IL1RAPL2: variants seen among roughly 807,000 people sequenced by gnomAD.
IL1RAPL2 encodes the protein X-linked interleukin-1 receptor accessory protein-like 2.
Under a neutral mutation model 44.1 loss-of-function variants are expected in IL1RAPL2, and 3 were observed. The observed-to-expected ratio is 0.07, with a 90% CI of 0.03 to 0.18. The LOEUF is 0.18. Ranked by LOEUF, IL1RAPL2 falls within the 10% of genes least tolerant of loss-of-function variation. The pLI is 1.00. For missense variants in IL1RAPL2, 391 were observed against 496.4 expected, an observed-to-expected ratio of 0.79 and a Z score of 2.02; for synonymous variants, 181 against 178.8, an observed-to-expected ratio of 1.01 and a Z score of -0.10.
At chrX:104,582,754 T>C (rs1311789722) in intron 1 of IL1RAPL2, among the ~76,000 whole-genome samples, 1 of 100,150 alleles carries the variant, frequency 1.0e-5, no homozygotes, top group African/African-American at 3.7e-5. Flanking sequence ...CCTTCCTTCT[T>C]TCTTTCTTTC....
chrX:105,273,348 G>A (rs1292975615), intron 5 of IL1RAPL2, among the ~76,000 whole-genome samples: 1 of 110,894 alleles, frequency 9.0e-6, no homozygotes, highest in Non-Finnish European at 1.9e-5. Flanking sequence ...CCTCCCCGGA[G>A]GCTAGCCATA....
At chrX:105,733,000 T>C (rs1299820213) in intron 7 of IL1RAPL2, among the ~76,000 whole-genome samples, 1 of 111,911 alleles carries the variant, frequency 8.9e-6, no homozygotes, top group Non-Finnish European at 1.9e-5. Flanking sequence ...ATTTCTGATA[T>C]ATATCACTTT....
chrX:105,028,829 AAAAG>A (rs1416371566), intron 2 of IL1RAPL2, among the ~76,000 whole-genome samples: 4 of 111,545 alleles, frequency 3.6e-5, no homozygotes, highest in Non-Finnish European at 5.7e-5. Flanking sequence ...TTTAGATATT[AAAAG>A]AAAGTATAAG....
In IL1RAPL2 at chrX:104,810,219, G is replaced by A. The variant is rs946870293; in HGVS notation, c.82+151224G>A. ...CATAGGTGGGAATTGAACAATGAGA[G>A]CACATGGACACAGGAAGGGGAACAT... On this transcript the variant is annotated intron_variant, in intron 2 of 10. Transcript: ENST00000372582. Among the ~76,000 whole-genome samples the A allele has an allele frequency of 6.4e-5, 7 of 109,293 alleles. No homozygotes were observed. The East Asian group carries it at 1.7e-3, about 27-fold the overall frequency. 94.9% of individuals were successfully genotyped at this position (109,293 alleles called of 115,157 possible). A position where few individuals can be genotyped will look rare whatever the true frequency, so the allele number is the denominator to read the frequency against.
chrX:105,342,391 A>G (rs761231304), intron 5 of IL1RAPL2, among the ~76,000 whole-genome samples: 36 of 112,470 alleles, frequency 3.2e-4, no homozygotes, highest in Non-Finnish European at 6.4e-4. Context: ...AAAGGTCTAT[A>G]CTGAACTATT....
chrX:105,071,604 A>G (rs2032207545), intron 2 of IL1RAPL2, among the ~76,000 whole-genome samples: 1 of 112,247 alleles, frequency 8.9e-6, no homozygotes. Context: ...GCATCATTCT[A>G]TCTGATCTGA....
intron 6 of IL1RAPL2, among the ~76,000 whole-genome samples, chrX:105,647,708 C>G (rs1315782835): frequency 8.9e-6 from 1 of 112,496 alleles, no homozygotes; most frequent in Admixed American, 9.4e-5. Flanking sequence ...AAGAATTGTT[C>G]TGCAGTTTAA....
chrX:105,155,588 T>C (rs866288827), intron 2 of IL1RAPL2, among the ~76,000 whole-genome samples: 69 of 111,106 alleles, frequency 6.2e-4, no homozygotes, highest in African/African-American at 2.1e-3. Context: ...CATGATGAAA[T>C]TGGCATTTCA....
At chrX:104,773,169 A>G (rs1481918981) in intron 2 of IL1RAPL2, among the ~76,000 whole-genome samples, 3 of 111,672 alleles carry the variant, frequency 2.7e-5, no homozygotes, top group Non-Finnish European at 5.6e-5. Flanking sequence ...TCAGCTTCCC[A>G]AAGTGCTGGG....
chrX:105,346,795 A>G (rs1228985464), intron 5 of IL1RAPL2, among the ~76,000 whole-genome samples: 1 of 112,039 alleles, frequency 8.9e-6, no homozygotes, highest in Non-Finnish European at 1.9e-5. Context: ...CTGTAGTTTA[A>G]AAGCAGATTT....
intron 3 of IL1RAPL2, chrX:105,218,797 C>G (rs1556171348): frequency 2.2e-6 from 1 of 459,253 alleles, no homozygotes; most frequent in African/African-American, 2.5e-5. Flanking sequence ...AGTCACCACC[C>G]CTATCTCTGA....
At chrX:105,143,352 C>T (rs2033144488) in intron 2 of IL1RAPL2, among the ~76,000 whole-genome samples, 1 of 112,196 alleles carries the variant, frequency 8.9e-6, no homozygotes, top group Non-Finnish European at 1.9e-5. Context: ...AAATGCTCAT[C>T]ATCACTGGCC....
intron 2 of IL1RAPL2, among the ~76,000 whole-genome samples, chrX:104,893,369 C>T (rs914789638): frequency 9.0e-6 from 1 of 111,176 alleles, no homozygotes; most frequent in Non-Finnish European, 1.9e-5. Flanking sequence ...TCTCATTGAT[C>T]TAATATTGAC....
At chrX:104,956,833 C>T (rs900936863) in intron 2 of IL1RAPL2, among the ~76,000 whole-genome samples, 12 of 110,872 alleles carry the variant, frequency 1.1e-4, no homozygotes, top group Non-Finnish European at 2.3e-4. Flanking sequence ...TTTGTTTTCA[C>T]CTTCACATAC....
chrX:104,854,042 G>T (rs1304161743), intron 2 of IL1RAPL2, among the ~76,000 whole-genome samples: 1 of 111,716 alleles, frequency 9.0e-6, no homozygotes, highest in Non-Finnish European at 1.9e-5. Context: ...GCATGAGAAT[G>T]ATCTGATGAA....
At chrX:105,740,445 A>G (rs893862020) in intron 7 of IL1RAPL2, 101 bp from the exon 8 acceptor site, 1 of 832,733 alleles carries the variant, frequency 1.2e-6, no homozygotes, top group Non-Finnish European at 1.7e-6. Context: ...CACGCCCATC[A>G]TCAGAGACCT....
At chrX:105,575,828 G>A (rs1341355364) in intron 6 of IL1RAPL2, among the ~76,000 whole-genome samples, 1 of 111,951 alleles carries the variant, frequency 8.9e-6, no homozygotes, top group African/African-American at 3.2e-5. Context: ...CAACCTGCTA[G>A]TATCTGCTAT....
At chrX:105,177,781 A>G (rs2033489559) in intron 2 of IL1RAPL2, among the ~76,000 whole-genome samples, 1 of 112,123 alleles carries the variant, frequency 8.9e-6, no homozygotes, top group African/African-American at 3.2e-5. Context: ...AATATTTTAT[A>G]TAAGAAATAT....
At chrX:104,883,376 T>C (rs1923127685) in intron 2 of IL1RAPL2, among the ~76,000 whole-genome samples, 1 of 111,060 alleles carries the variant, frequency 9.0e-6, no homozygotes, top group Non-Finnish European at 1.9e-5. Flanking sequence ...GAGCGTTGGT[T>C]TGCCTGGAAC....
Sources: gnomAD v4.1 joint callset for allele counts (sites outside exome capture counted in the v4.1 genomes callset) on GRCh38, gnomAD v4.1.1 for gene constraint, MANE v1.5 for transcripts, NCBI Gene and HGNC (gene_info 2026-07-23, HGNC 2026-07-21) for gene names.